Variants in E2F3 observed in about 807,000 individuals in gnomAD.
The protein encoded by E2F3 is transcription factor E2F3.
Under a neutral mutation model 44.4 loss-of-function variants are expected in E2F3, and 11 were observed. The ratio of observed to expected loss-of-function variants is 0.25; its 90% confidence interval spans 0.16 to 0.41. E2F3 has a LOEUF of 0.41. E2F3 is among the 10% of genes least tolerant of loss of function. The probability of loss-of-function intolerance (pLI) is 1.00; values close to 1 mark genes in which losing one functional copy is unlikely to be tolerated. For missense variants in E2F3, 487 were observed against 583.6 expected (o/e 0.83, Z 1.70); for synonymous variants, 249 against 253.0 (o/e 0.98, Z 0.15).
At position 20,492,825 on chromosome 6, in the gene E2F3, T is replaced by C. The variant is rs2127631145; in HGVS notation, c.*2395T>C. 1 of 225,178 alleles carries C rather than the reference T, an allele frequency of 4.4e-6. No individual in the cohort carries two copies. The highest frequency in any genetic ancestry group is 1.8e-4 in the South Asian group (1 of 5,428). The allele number at this position is 225,178 out of a possible 1,614,324, so 13.9% of individuals were successfully genotyped here. ...ATTTTGTTTGCATTAAGTAATTTTCTTTTTGACTTAGTATCCGGCACACAA... is the reference window on the plus strand; with the variant it reads ...ATTTTGTTTGCATTAAGTAATTTTCCTTTTGACTTAGTATCCGGCACACAA... On this transcript the variant is annotated 3_prime_UTR_variant, in exon 7 of 7. Transcript: ENST00000346618.
chr6:20,464,801 A>T (rs1036272761), intron 1 of E2F3, among the ~76,000 whole-genome samples: 5 of 152,120 alleles, frequency 3.3e-5, no homozygotes, highest in African/African-American at 2.4e-5. Context: ...CTCTCTCTAA[A>T]CTTTTACCTT....
intron 1 of E2F3, among the ~76,000 whole-genome samples, chr6:20,415,247 A>G (rs1209045052): frequency 6.6e-6 from 1 of 152,212 alleles, no homozygotes; most frequent in African/African-American, 2.4e-5. Flanking sequence ...TTCAATAACT[A>G]AGAAAAGAAA....
At chr6:20,480,846 T>G (rs1405629988) in intron 2 of E2F3, among the ~76,000 whole-genome samples, 1 of 152,184 alleles carries the variant, frequency 6.6e-6, no homozygotes, top group African/African-American at 2.4e-5. Flanking sequence ...GCCTCGTGTG[T>G]GCTGGTCCCC....
chr6:20,437,501 T>G (rs1047616224), intron 1 of E2F3, among the ~76,000 whole-genome samples: 8 of 152,116 alleles, frequency 5.3e-5, no homozygotes, highest in African/African-American at 1.9e-4. Context: ...CAAAAAAATT[T>G]TTTTTCTAAA....
Position 20,490,552 on chromosome 6 carries a change from A to G in E2F3, c.*122A>G, listed in dbSNP as rs1762527219. ...CCAAGAGAGTATCATGAAGTAAACT[A>G]CAAACTTCAGAAGAAAGCTGACATT... On this transcript the variant is annotated 3_prime_UTR_variant, in exon 7 of 7. Transcript: ENST00000346618. The surrounding 1 kb of genome is among the most constrained non-coding windows in gnomAD (Gnocchi z 4.3). 3 of 988,116 alleles carry G rather than the reference A, an allele frequency of 3.0e-6. No individual in the cohort carries two copies. The highest frequency in any genetic ancestry group is 6.0e-5 in the Admixed American group (2 of 33,446). 61.2% of individuals were successfully genotyped at this position (988,116 alleles called of 1,614,324 possible).
intron 1 of E2F3, among the ~76,000 whole-genome samples, chr6:20,438,258 G>A (rs1400655025): frequency 1.3e-5 from 2 of 152,162 alleles, no homozygotes; most frequent in Non-Finnish European, 2.9e-5. Context: ...AAACATAAGG[G>A]TGTTAATCTC....
At chr6:20,449,656 C>T (rs549426118) in intron 1 of E2F3, among the ~76,000 whole-genome samples, 1 of 152,042 alleles carries the variant, frequency 6.6e-6, no homozygotes, top group Non-Finnish European at 1.5e-5. Flanking sequence ...GGTACATCTG[C>T]AGGTTTGTTA....
chr6:20,452,103 T>C (rs1299235844), intron 1 of E2F3, among the ~76,000 whole-genome samples: 1 of 152,208 alleles, frequency 6.6e-6, no homozygotes. Context: ...CCTCAATTTT[T>C]TGGACTAGTT....
chr6:20,481,482 G>A, intron 3 of E2F3, 57 bp downstream of exon 3: 2 of 1,489,584 alleles, frequency 1.3e-6, no homozygotes, highest in Non-Finnish European at 1.9e-6. Flanking sequence ...AAACTGCCTG[G>A]TTTCTTAGTT....
At chr6:20,471,588 T>A (rs1761891937) in intron 1 of E2F3, among the ~76,000 whole-genome samples, 1 of 151,986 alleles carries the variant, frequency 6.6e-6, no homozygotes, top group African/African-American at 2.4e-5. Flanking sequence ...CTCAAAAAAA[T>A]AAAATAAAAA....
At chr6:20,436,508 C>G (rs73382495) in intron 1 of E2F3, among the ~76,000 whole-genome samples, 1 of 151,518 alleles carries the variant, frequency 6.6e-6, no homozygotes, top group Admixed American at 6.6e-5. Flanking sequence ...AATTTTGTAA[C>G]GTTTTAAGAA....
In E2F3 at chr6:20,403,860, G is replaced by C. The variant is rs1003725463; in HGVS notation, c.393+1235G>C. 12 of 1,359,546 alleles carry C rather than the reference G, an allele frequency of 8.8e-6. No homozygotes were observed. In the Admixed American group the frequency reaches 1.6e-4, roughly 19 times the overall value. The allele number at this position is 1,359,546 out of a possible 1,614,324, so 84.2% of individuals were successfully genotyped here. A position where few individuals can be genotyped will look rare whatever the true frequency, so the allele number is the denominator to read the frequency against. On this transcript the variant is annotated intron_variant, in intron 1 of 6. Transcript: ENST00000346618. The stretch of plus-strand genomic sequence containing the variant: ...TAGTGACCGGGACGGCTCGGGGGCC[G>C]CCGACGCCGCGGGGGCACCGGATTC...
At chr6:20,456,724 A>G (rs1469446151) in intron 1 of E2F3, among the ~76,000 whole-genome samples, 7 of 152,272 alleles carry the variant, frequency 4.6e-5, no homozygotes, top group Non-Finnish European at 1.0e-4. Flanking sequence ...TAATTTATAA[A>G]TAATGGCCTC....
Position 20,481,420 on chromosome 6 carries a change from A to G in E2F3, c.720A>G (p.Gln240=), listed in dbSNP as rs1485195706. The change falls in exon 3 of 7, where the codon CAA becomes CAG. Residue 240 remains glutamine (Q), a synonymous_variant. Coordinates refer to ENST00000346618, the MANE Select transcript of E2F3 (RefSeq NM_001949.5). Reference sequence around the variant, plus strand: ...AGAAGAAGTCTAAAAACAACGTCCAATGGATGTGAGTAGGAGTCCTCCCCA... The same window carrying G: ...AGAAGAAGTCTAAAAACAACGTCCAGTGGATGTGAGTAGGAGTCCTCCCCA... ...LIKKKSKNNV[Q]WMGCSLSEDG... is the part of the protein sequence containing the mutation. 2 of 1,613,954 alleles carry G rather than the reference A, an allele frequency of 1.2e-6. No homozygotes were observed. Among genetic ancestry groups the G allele is most frequent in the Non-Finnish European group, 8.5e-7 (1 of 1,179,982 alleles).
intron 1 of E2F3, among the ~76,000 whole-genome samples, chr6:20,431,492 T>C (rs902345783): frequency 3.9e-5 from 6 of 152,128 alleles, no homozygotes; most frequent in Admixed American, 3.9e-4. Context: ...AGACTGAACA[T>C]ATTGCAACCT....
At position 20,426,883 on chromosome 6, in the gene E2F3, C is replaced by T. The variant is rs187475447; in HGVS notation, c.393+24258C>T. 2.6e-3 allele frequency among the ~76,000 whole-genome samples: 393 copies of T among 152,300 alleles called. 3 individuals are homozygous for T. The highest frequency in any genetic ancestry group is 8.2e-3 in the African/African-American group (341 of 41,548). ...GATCTGTCCACTGTAACTGTAGCTC[C>T]ACTGTGCTGATATCTGTTGAAATTA... is the stretch of plus-strand genomic sequence containing the variant. On this transcript the variant is annotated intron_variant, in intron 1 of 6. Transcript: ENST00000346618.
At chr6:20,461,767 T>G (rs1326914628) in intron 1 of E2F3, among the ~76,000 whole-genome samples, 1 of 152,234 alleles carries the variant, frequency 6.6e-6, no homozygotes, top group Non-Finnish European at 1.5e-5. Flanking sequence ...CAAATTCTTG[T>G]GTACACATCC....
chr6:20,443,681 A>G (rs1439135668), intron 1 of E2F3, among the ~76,000 whole-genome samples: 1 of 152,094 alleles, frequency 6.6e-6, no homozygotes, highest in African/African-American at 2.4e-5. Context: ...AAGAAAGTCT[A>G]TCTTTGTTTT....
intron 1 of E2F3, among the ~76,000 whole-genome samples, chr6:20,412,391 C>T (rs1335391480): frequency 1.3e-5 from 2 of 151,896 alleles, no homozygotes; most frequent in African/African-American, 4.8e-5. Flanking sequence ...TTTTAATGTG[C>T]TCAGTTGGAA....
Sources: gnomAD v4.1 joint callset for allele counts (sites outside exome capture counted in the v4.1 genomes callset) on GRCh38, gnomAD v4.1.1 for gene constraint, Gnocchi (gnomAD v3.1) non-coding constraint, MANE v1.5 for transcripts, NCBI Gene and HGNC (gene_info 2026-07-23, HGNC 2026-07-21) for gene names.